The following CRB1 variants were observed in gnomAD, a reference collection of about 807,000 sequenced individuals.
The protein encoded by CRB1 is protein crumbs homolog 1.
A neutral mutation model predicts 120.0 loss-of-function variants in CRB1; 83 were observed. The observed-to-expected ratio is 0.69, with a 90% CI of 0.58 to 0.83. CRB1 has a LOEUF of 0.83. Ranked by LOEUF, CRB1 falls within the 40% of genes least tolerant of loss-of-function variation. The probability of loss-of-function intolerance (pLI) is 0.00; values close to 1 mark genes in which losing one functional copy is unlikely to be tolerated. For synonymous variants in CRB1, 625 were observed against 612.5 expected, an observed-to-expected ratio of 1.02 and a Z score of -0.30; for missense variants, 1,699 against 1,687.6, an observed-to-expected ratio of 1.01 and a Z score of -0.12.
At chr1:197,460,297 A>G (rs1183760574) in intron 11 of CRB1, among the ~76,000 whole-genome samples, 1 of 152,006 alleles carries the variant, frequency 6.6e-6, no homozygotes, top group Non-Finnish European at 1.5e-5. Context: ...CACTTCAGAA[A>G]ATTTCTAAGT....
intron 11 of CRB1, chr1:197,443,711 A>C (rs905499224): frequency 6.6e-6 from 1 of 151,904 alleles, no homozygotes; most frequent in Non-Finnish European, 1.5e-5. Context: ...AAATAAATGT[A>C]TACCTGAAAT....
chr1:197,442,067 T>C (rs990855855), intron 10 of CRB1, 99 bp from the exon 11 acceptor site: 11 of 1,362,420 alleles, frequency 8.1e-6, no homozygotes, highest in Non-Finnish European at 1.1e-5. Flanking sequence ...TAGATAAGAC[T>C]GTGCTGTTCC....
rs1413917862 is a variant in CRB1, at chr1:197,477,693, C to T, written c.4035C>T (p.Phe1345=). The T allele has an allele frequency of 2.5e-6, 4 of 1,613,740 alleles. No homozygotes were observed. The highest frequency in any genetic ancestry group is 2.5e-6 in the Non-Finnish European group (3 of 1,179,838). Residue 1345 remains phenylalanine, a synonymous_variant, in exon 12 of 12, where the codon TTC becomes TTT. Transcript: ENST00000367400. ...CAGATGACTTGATCTCCGACATTTT[C>T]ACCACTATTGGCTCAGTGACTGTCG... The part of the protein sequence containing the change: ...DLADDLISDI[F]TTIGSVTVAL...
At chr1:197,387,734 C>T (rs542962783) in intron 5 of CRB1, among the ~76,000 whole-genome samples, 1 of 151,692 alleles carries the variant, frequency 6.6e-6, no homozygotes, top group Non-Finnish European at 1.5e-5. Flanking sequence ...ATACAAGAGC[C>T]TTCTAGTTAT....
chr1:197,427,368 A>G (rs1664636073), intron 6 of CRB1, 86 bp from the exon 7 acceptor site: 2 of 1,084,174 alleles, frequency 1.8e-6, no homozygotes, highest in African/African-American at 1.5e-5. Context: ...TGTGAAATGT[A>G]TAATTTTCGT....
rs150011272 is a variant in CRB1, at chr1:197,429,603, A to G, written c.2831A>G (p.Gln944Arg). The G allele has an allele frequency of 4.3e-6, 7 of 1,613,990 alleles. No individual in the cohort carries two copies. The highest frequency in any genetic ancestry group is 3.3e-5 in the Admixed American group (2 of 59,996). ...PHGAQCQPVL[Q>R]GFECIANAVF... ...GGAGCCCAGTGCCAGCCGGTGCTTC[A>G]AGGATTTGAATGTAGGTAGAGTTCA... is the stretch of plus-strand genomic sequence containing the variant. The change falls in exon 8 of 12, where the codon CAA becomes CGA. Residue 944 changes from glutamine (Q) to arginine (R), a missense_variant. By Grantham distance (43) the Gln-to-Arg change is conservative. Transcript: ENST00000367400.
At chr1:197,470,579 T>C (rs1189113583) in intron 11 of CRB1, among the ~76,000 whole-genome samples, 1 of 152,234 alleles carries the variant, frequency 6.6e-6, no homozygotes, top group African/African-American at 2.4e-5. Flanking sequence ...CACAAGGCCA[T>C]GTGCTCCAAA....
chr1:197,224,787 AT>A, the CRB1 span, among the ~76,000 whole-genome samples: 4 of 152,032 alleles, frequency 2.6e-5, no homozygotes, highest in Admixed American at 2.6e-4. Flanking sequence ...TTTATTTACA[AT>A]TCTTTATGAA....
chr1:197,410,802 C>A (rs1571498943), intron 5 of CRB1, among the ~76,000 whole-genome samples: 1 of 152,148 alleles, frequency 6.6e-6, no homozygotes, highest in East Asian at 1.9e-4. Context: ...CATACCTTTT[C>A]TTAAATTTCG....
At chr1:197,408,955 T>G (rs550785562) in intron 5 of CRB1, among the ~76,000 whole-genome samples, 2 of 152,322 alleles carry the variant, frequency 1.3e-5, no homozygotes, top group Admixed American at 6.5e-5. Context: ...AAGTGCAAAA[T>G]CAAGTGAAAT....
At chr1:197,415,636 C>CTTTTTTTTTTTTTTTTTTTTTTT (rs1314094285) in intron 5 of CRB1, among the ~76,000 whole-genome samples, 3 of 101,316 alleles carry the variant, frequency 3.0e-5, no homozygotes, top group African/African-American at 3.9e-5. Flanking sequence ...TTTCTTTTTT[C>CTTTTTTTTTTTTTTTTTTTTTTT]TTTTCTTTTT....
At chr1:197,433,559 G>T (rs1483120366) in intron 8 of CRB1, among the ~76,000 whole-genome samples, 1 of 152,050 alleles carries the variant, frequency 6.6e-6, no homozygotes, top group Non-Finnish European at 1.5e-5. Flanking sequence ...GTGAGACCAT[G>T]GGGATATAAA....
intron 1 of CRB1, among the ~76,000 whole-genome samples, chr1:197,317,413 G>A (rs142541961): frequency 3.6e-3 from 543 of 151,722 alleles, no homozygotes; most frequent in Non-Finnish European, 5.7e-3. Flanking sequence ...GTGAGACTCT[G>A]CCTCAAAAAA....
chr1:197,265,191 C>A (rs550976560), upstream of CRB1, among the ~76,000 whole-genome samples: 1 of 152,120 alleles, frequency 6.6e-6, no homozygotes, highest in African/African-American at 2.4e-5. Flanking sequence ...TGAATTGTAG[C>A]ATTTCCACAT....
intron 5 of CRB1, among the ~76,000 whole-genome samples, chr1:197,400,042 G>T (rs1662980215): frequency 6.6e-6 from 1 of 152,150 alleles, no homozygotes; most frequent in Non-Finnish European, 1.5e-5. Context: ...TGAATGCCTG[G>T]ACATGGGGAT....
intron 11 of CRB1, among the ~76,000 whole-genome samples, chr1:197,445,459 C>G (rs1049948577): frequency 1.3e-5 from 2 of 152,184 alleles, no homozygotes; most frequent in Non-Finnish European, 2.9e-5. Flanking sequence ...TGAGGACTTA[C>G]TCTATGCCAG....
chr1:197,268,721 AC>A (rs1654739290), intron 1 of CRB1, among the ~76,000 whole-genome samples: 2 of 152,080 alleles, frequency 1.3e-5, no homozygotes, highest in African/African-American at 4.8e-5. Flanking sequence ...TTTGTTTTTA[AC>A]CTTTGTAGTA....
intron 5 of CRB1, among the ~76,000 whole-genome samples, chr1:197,396,304 A>G (rs915165283): frequency 3.3e-5 from 5 of 152,184 alleles, no homozygotes; most frequent in African/African-American, 4.8e-5. Flanking sequence ...ACTACAAAAC[A>G]CTGATAAAAG....
chr1:197,403,165 G>A (rs1354467450), intron 5 of CRB1, among the ~76,000 whole-genome samples: 6 of 152,156 alleles, frequency 3.9e-5, no homozygotes, highest in African/African-American at 1.4e-4. Flanking sequence ...TGGAGCACTA[G>A]GAATACATAA....
Sources: allele counts gnomAD v4.1 joint callset (sites outside exome capture counted in the v4.1 genomes callset), GRCh38; gene constraint gnomAD v4.1.1; transcripts MANE v1.5; gene names NCBI Gene and HGNC (gene_info 2026-07-23, HGNC 2026-07-21).